Variants in GDAP1L1 observed in about 807,000 individuals in gnomAD.
The protein encoded by GDAP1L1 is ganglioside induced differentiation associated protein 1 like 1.
GDAP1L1 carries 21 observed loss-of-function variants against 37.1 expected under a neutral mutation model. The ratio of observed to expected loss-of-function variants is 0.57; its 90% CI spans 0.40 to 0.81. GDAP1L1 has a LOEUF of 0.81. GDAP1L1 is among the 40% of genes least tolerant of loss of function. The pLI is 0.00. For missense variants in GDAP1L1, 362 were observed against 491.6 expected, an observed-to-expected ratio of 0.74 and a Z score of 2.49; for synonymous variants, 193 against 209.1, an observed-to-expected ratio of 0.92 and a Z score of 0.67.
intron 5 of GDAP1L1, among the ~76,000 whole-genome samples, chr20:44,274,492 C>G (rs1203283356): frequency 6.6e-6 from 1 of 152,172 alleles, no homozygotes; most frequent in Non-Finnish European, 1.5e-5. Flanking sequence ...GCTGCTCTTG[C>G]CAGGGTCGCC....
chr20:44,265,108 A>G (rs2073740924), intron 5 of GDAP1L1: 1 of 985,158 alleles, frequency 1.0e-6, no homozygotes, highest in African/African-American at 1.7e-5. Context: ...GCCACTACCC[A>G]CCACACCATC....
At chr20:44,262,098 G>C (rs1287140199) in intron 3 of GDAP1L1, among the ~76,000 whole-genome samples, 1 of 152,124 alleles carries the variant, frequency 6.6e-6, no homozygotes, top group Non-Finnish European at 1.5e-5. Flanking sequence ...GAGCTAGGAT[G>C]TTATCCGAGG....
At chr20:44,251,475 G>GAA (rs1445726247) in intron 1 of GDAP1L1, among the ~76,000 whole-genome samples, 6 of 152,240 alleles carry the variant, frequency 3.9e-5, no homozygotes, top group Non-Finnish European at 8.8e-5. Context: ...TGGCAGGAGA[G>GAA]AAGCAAGGGG....
At chr20:44,250,527 C>T (rs542151754) in intron 1 of GDAP1L1, among the ~76,000 whole-genome samples, 1 of 152,332 alleles carries the variant, frequency 6.6e-6, no homozygotes, top group African/African-American at 2.4e-5. Flanking sequence ...CCAACTCTGC[C>T]ATTCCCAGCT....
intron 1 of GDAP1L1, among the ~76,000 whole-genome samples, chr20:44,249,504 C>T (rs74173197): frequency 0.1 from 15,571 of 152,264 alleles, 973 homozygotes; most frequent in Non-Finnish European, 0.14. Flanking sequence ...GAGTCTAGAA[C>T]TTCCTCCCCG....
At chr20:44,259,175 C>G (rs6017304) in intron 3 of GDAP1L1, among the ~76,000 whole-genome samples, 3 of 152,166 alleles carry the variant, frequency 2.0e-5, no homozygotes, top group Admixed American at 2.0e-4. Flanking sequence ...ATGTCCTGTC[C>G]TAATGGCCAG....
intron 1 of GDAP1L1, among the ~76,000 whole-genome samples, chr20:44,252,713 C>G (rs1054333969): frequency 6.6e-6 from 1 of 151,722 alleles, no homozygotes; most frequent in African/African-American, 2.4e-5. Context: ...GTCCCAGCTA[C>G]TTGGGAGGCT....
intron 1 of GDAP1L1, among the ~76,000 whole-genome samples, chr20:44,255,280 A>C (rs2073516561): frequency 6.6e-6 from 1 of 152,048 alleles, no homozygotes; most frequent in African/African-American, 2.4e-5. Context: ...GGTGGCTCAC[A>C]CCTATAATCT....
At chr20:44,256,660 A>T (rs1007942183) in intron 1 of GDAP1L1, among the ~76,000 whole-genome samples, 1 of 151,580 alleles carries the variant, frequency 6.6e-6, no homozygotes, top group Non-Finnish European at 1.5e-5. Context: ...ACTCTGTCTT[A>T]AAAAAAAGGG....
At chr20:44,256,613 T>C (rs1235367888) in intron 1 of GDAP1L1, among the ~76,000 whole-genome samples, 2 of 151,666 alleles carry the variant, frequency 1.3e-5, no homozygotes, top group East Asian at 1.9e-4. Flanking sequence ...AGAGCTGAGA[T>C]TGCGCCACTG....
intron 5 of GDAP1L1, chr20:44,265,117 T>C: frequency 3.0e-6 from 3 of 985,260 alleles, no homozygotes; most frequent in Non-Finnish European, 2.4e-6. Flanking sequence ...CACCACACCA[T>C]CCCACTTGCC....
intron 5 of GDAP1L1, among the ~76,000 whole-genome samples, chr20:44,276,321 C>G (rs990130208): frequency 1.5e-5 from 2 of 130,254 alleles, no homozygotes; most frequent in Non-Finnish European, 3.1e-5. Flanking sequence ...GGTGACAGAG[C>G]GAGACTTTGT....
intron 1 of GDAP1L1, among the ~76,000 whole-genome samples, chr20:44,249,277 A>T (rs1381378910): frequency 6.6e-6 from 1 of 152,098 alleles, no homozygotes; most frequent in African/African-American, 2.4e-5. Flanking sequence ...ATCTCAAGTG[A>T]TCCACTCACT....
chr20:44,272,689 T>C (rs2146047474), intron 5 of GDAP1L1, among the ~76,000 whole-genome samples: 2 of 152,210 alleles, frequency 1.3e-5, no homozygotes, highest in South Asian at 4.2e-4. Flanking sequence ...AGATACCAGA[T>C]TGCTGCCCAG....
At chr20:44,255,541 CAAAAAAAA>C (rs60318296) in intron 1 of GDAP1L1, among the ~76,000 whole-genome samples, 3 of 45,778 alleles carry the variant, frequency 6.6e-5, no homozygotes, top group African/African-American at 2.0e-4. Flanking sequence ...GACTCTGTCT[CAAAAAAAA>C]AAAAAAAAAA....
chr20:44,276,411 A>AG (rs1568659457), intron 5 of GDAP1L1, among the ~76,000 whole-genome samples: 157 of 121,192 alleles, frequency 1.3e-3, no homozygotes, highest in African/African-American at 4.7e-3. Context: ...AAGAAAAAAG[A>AG]AAAAGAAAGA....
intron 3 of GDAP1L1, 127 bp downstream of exon 3, chr20:44,258,734 T>G (rs1270514839): frequency 2.9e-6 from 2 of 693,862 alleles, no homozygotes; most frequent in Non-Finnish European, 4.9e-6. Flanking sequence ...CTCTCCCTCT[T>G]GCATTCTCCA....
chr20:44,265,554 C>A, intron 5 of GDAP1L1: 1 of 877,798 alleles, frequency 1.1e-6, no homozygotes, highest in Non-Finnish European at 1.4e-6. Context: ...AGAGTTCCAG[C>A]TTTGCTGCCT....
intron 1 of GDAP1L1, among the ~76,000 whole-genome samples, chr20:44,249,424 T>C (rs982925625): frequency 6.6e-6 from 1 of 152,144 alleles, no homozygotes; most frequent in Non-Finnish European, 1.5e-5. Context: ...CTGCACATGC[T>C]TGCACGTGCC....
Sources: allele counts gnomAD v4.1 joint callset (sites outside exome capture counted in the v4.1 genomes callset), GRCh38; gene constraint gnomAD v4.1.1; transcripts MANE v1.5; gene names NCBI Gene and HGNC (gene_info 2026-07-23, HGNC 2026-07-21).